Variants in DNM2 observed in about 807,000 individuals in gnomAD.
DNM2 encodes dynamin 2, also known as dynamin-2.
DNM2 carries 15 observed loss-of-function variants against 99.0 expected under a neutral mutation model. The ratio of observed to expected loss-of-function variants is 0.15; its 90% CI spans 0.10 to 0.23. DNM2 has a LOEUF of 0.23. Among genes scored for constraint, DNM2 ranks in the 10% least tolerant of loss-of-function variants. DNM2 has a pLI of 1.00. For synonymous variants in DNM2, 525 were observed against 481.2 expected (o/e 1.09, Z -1.19); for missense variants, 742 against 1,189.4 (o/e 0.62, Z 5.53).
chr19:10,792,872 TG>T (rs1159684597), intron 7 of DNM2, among the ~76,000 whole-genome samples: 1 of 152,088 alleles, frequency 6.6e-6, no homozygotes, highest in African/African-American at 2.4e-5. Context: ...CCTCCCAAAG[TG>T]CTGGGATTAT....
At chr19:10,758,034 C>T (rs2070460521) in intron 1 of DNM2, among the ~76,000 whole-genome samples, 1 of 152,026 alleles carries the variant, frequency 6.6e-6, no homozygotes, top group Non-Finnish European at 1.5e-5. Context: ...TCCTTTCGAG[C>T]CTTTAATGTA....
At chr19:10,802,931 C>T (rs1003634725) in intron 12 of DNM2, among the ~76,000 whole-genome samples, 1 of 152,182 alleles carries the variant, frequency 6.6e-6, no homozygotes, top group African/African-American at 2.4e-5. Flanking sequence ...TCCTTCAGCC[C>T]CTTGGCATGC....
At position 10,802,279 on chromosome 19, in the gene DNM2, C is replaced by G. The variant is rs371006369; in HGVS notation, c.1423-9C>G. 27 of 1,614,020 alleles carry G rather than the reference C, an allele frequency of 1.7e-5. No homozygotes were observed. Among genetic ancestry groups the G allele is most frequent in the Middle Eastern group, 3.3e-4 (2 of 6,082 alleles). On this transcript the variant is annotated splice_polypyrimidine_tract_variant and intron_variant, in intron 11 of 20. Coordinates refer to ENST00000389253, the MANE Select transcript of DNM2 (RefSeq NM_001005361.3). ...CCTTGTACTCACAGTGACCCCCGCTCTCCCCCAGATTCTTCTGCTGATCGA... is the reference window on the plus strand; with the variant it reads ...CCTTGTACTCACAGTGACCCCCGCTGTCCCCCAGATTCTTCTGCTGATCGA...
chr19:10,718,930 C>A (rs777935655), intron 1 of DNM2, among the ~76,000 whole-genome samples: 38 of 152,272 alleles, frequency 2.5e-4, no homozygotes, highest in Non-Finnish European at 2.8e-4. Context: ...ACCTGGCAGC[C>A]CCCTGCTGTC....
intron 1 of DNM2, among the ~76,000 whole-genome samples, chr19:10,733,143 C>G (rs1191051517): frequency 1.3e-5 from 2 of 151,140 alleles, no homozygotes; most frequent in Non-Finnish European, 2.9e-5. Flanking sequence ...CTCGGCCTCC[C>G]AAAGTGCTGG....
At chr19:10,779,552 GGCT>G (rs1371818805) in intron 5 of DNM2, among the ~76,000 whole-genome samples, 2 of 109,832 alleles carry the variant, frequency 1.8e-5, no homozygotes, top group Non-Finnish European at 3.4e-5. Flanking sequence ...CTGTCACCTA[GGCT>G]GGAGTGCACT....
chr19:10,752,426 C>G (rs985271557), intron 1 of DNM2, among the ~76,000 whole-genome samples: 1 of 152,216 alleles, frequency 6.6e-6, no homozygotes, highest in Non-Finnish European at 1.5e-5. Context: ...GTTGTCTGAG[C>G]TGGGCGCTGG....
chr19:10,751,165 C>A (rs988085844), intron 1 of DNM2, among the ~76,000 whole-genome samples: 3 of 151,864 alleles, frequency 2.0e-5, no homozygotes, highest in African/African-American at 7.3e-5. Context: ...TGAGAGAAGT[C>A]TCTGAGGAAA....
intron 7 of DNM2, among the ~76,000 whole-genome samples, chr19:10,791,944 T>C (rs8112795): frequency 0.097 from 14,820 of 152,084 alleles, 1,245 homozygotes; most frequent in East Asian, 0.35. Flanking sequence ...AAAAATTAGC[T>C]GGGCATGGTG....
chr19:10,811,633 A>C lies in DNM2; in HGVS notation c.1558-631A>C. 2.1e-6 allele frequency: 1 copy of C among 478,984 alleles called. No homozygotes were observed. Among genetic ancestry groups the C allele is most frequent in the Admixed American group, 2.2e-5 (1 of 45,184 alleles). The allele number at this position is 478,984 out of a possible 1,614,324, so 29.7% of individuals were successfully genotyped here. A position where few individuals can be genotyped will look rare whatever the true frequency, so the allele number is the denominator to read the frequency against. The stretch of plus-strand genomic sequence containing the variant: ...GCCTCCAGCGGCCAGGGAGCATGGG[A>C]GCACAGCCCCCAGGCTGCCTGCCGT... On this transcript the variant is annotated intron_variant, in intron 14 of 20. Transcript: ENST00000389253. The surrounding 1 kb of genome is among the most constrained non-coding windows in gnomAD (Gnocchi z 5.4).
At position 10,742,078 on chromosome 19, in the gene DNM2, A is replaced by G. The variant is rs575173363; in HGVS notation, c.162-17660A>G. 4.6e-5 allele frequency among the ~76,000 whole-genome samples: 7 copies of G among 151,672 alleles called. No individual in the cohort carries two copies. The East Asian group carries it at 5.8e-4, about 13-fold the overall frequency. On this transcript the variant is annotated intron_variant, in intron 1 of 20. Coordinates refer to ENST00000389253, the MANE Select transcript of DNM2 (RefSeq NM_001005361.3). Reference sequence around the variant, plus strand: ...AGTCCTGTGCTTTTTTATAGCTGCAAGTATTCCTGGGTCGAGCCTACTCCC... The same window carrying G: ...AGTCCTGTGCTTTTTTATAGCTGCAGGTATTCCTGGGTCGAGCCTACTCCC...
chr19:10,796,120 A>C lies in DNM2; in HGVS notation c.1196+681A>C, dbSNP rs931176769. 1 of 1,614,186 alleles carries C rather than the reference A, an allele frequency of 6.2e-7. No homozygotes were observed. The highest frequency in any genetic ancestry group is 8.5e-7 in the Non-Finnish European group (1 of 1,180,030). ...GCCATTGTGAAAAAGCAGGTCGTCA[A>C]GCTGAAAGAGCCCTGTCTGAAATGT... is the stretch of plus-strand genomic sequence containing the variant. On this transcript the variant is annotated intron_variant, in intron 9 of 20. Transcript: ENST00000389253. The surrounding 1 kb of genome is among the most constrained non-coding windows in gnomAD (Gnocchi z 5.6).
chr19:10,718,359 C>T lies in DNM2; in HGVS notation c.117C>T (p.Gly39=). The part of the protein sequence containing the change: ...LDLPQIAVVG[G]QSAGKSSVLE... The stretch of plus-strand genomic sequence containing the variant: ...TGCCGCAGATCGCTGTAGTGGGCGG[C>T]CAGAGCGCCGGCAAGAGCTCGGTGC... Residue 39 remains glycine (G), a synonymous_variant, in exon 1 of 21, where the codon GGC becomes GGT. Coordinates refer to ENST00000389253, the MANE Select transcript of DNM2 (RefSeq NM_001005361.3). 6.6e-7 allele frequency: 1 copy of T among 1,521,940 alleles called. No homozygotes were observed. Among genetic ancestry groups the T allele is most frequent in the Non-Finnish European group, 8.8e-7 (1 of 1,136,948 alleles). The allele number at this position is 1,521,940 out of a possible 1,614,324, so 94.3% of individuals were successfully genotyped here.
chr19:10,793,621 A>G, intron 7 of DNM2, 99 bp from the exon 8 acceptor site: 4 of 1,609,378 alleles, frequency 2.5e-6, no homozygotes, highest in Non-Finnish European at 3.4e-6. Context: ...CTGCTGAAAA[A>G]TGGTAAAAGA....
chr19:10,831,640 C>G lies in DNM2; in HGVS notation c.*593C>G. ...GAGGTGCCTTTGCTAGGCCCGGAGC[C>G]GTTGGCCCGGGCCGGCCTTGCCCTA... On this transcript the variant is annotated 3_prime_UTR_variant, in exon 21 of 21. Coordinates refer to ENST00000389253, the MANE Select transcript of DNM2 (RefSeq NM_001005361.3). The surrounding 1 kb of genome is among the most constrained non-coding windows in gnomAD (Gnocchi z 4.3). The G allele has an allele frequency of 2.0e-6, 2 of 986,152 alleles. No homozygotes were observed. The highest frequency in any genetic ancestry group is 2.4e-6 in the Non-Finnish European group (2 of 830,220). The allele number at this position is 986,152 out of a possible 1,614,324, so 61.1% of individuals were successfully genotyped here.
chr19:10,826,013 C>T (rs1467628093), intron 18 of DNM2, among the ~76,000 whole-genome samples: 8 of 151,854 alleles, frequency 5.3e-5, no homozygotes, highest in East Asian at 3.9e-4. Context: ...CCAGCCTGGG[C>T]GACAGAGCAA....
rs1266772652 is a variant in DNM2 at position 10,786,715 on chromosome 19, C to G, written c.992+9C>G. ...ACCAAAGCCCTGCTGCAGTATGTAC[C>G]CCGGCACCCACCACCACCACCACCC... On this transcript the variant is annotated intron_variant, in intron 7 of 20. Transcript: ENST00000389253. The G allele has an allele frequency of 6.2e-7, 1 of 1,613,836 alleles. No individual in the cohort carries two copies. The highest frequency in any genetic ancestry group is 8.5e-7 in the Non-Finnish European group (1 of 1,179,966).
chr19:10,820,766 G>T lies in DNM2; in HGVS notation c.1781+677G>T, dbSNP rs976300457. Among the ~76,000 whole-genome samples, 4 of 152,238 alleles carry T rather than the reference G, an allele frequency of 2.6e-5. No individual in the cohort carries two copies. The highest frequency in any genetic ancestry group is 5.9e-5 in the Non-Finnish European group (4 of 68,028). ...TGTCCAGGAACGAGCTCCAGTCTGGGATGTGAACTGGGCAGTCACCATTGC... is the reference window on the plus strand; with the variant it reads ...TGTCCAGGAACGAGCTCCAGTCTGGTATGTGAACTGGGCAGTCACCATTGC... On this transcript the variant is annotated intron_variant, in intron 16 of 20. Coordinates refer to ENST00000389253, the MANE Select transcript of DNM2 (RefSeq NM_001005361.3). The surrounding 1 kb of genome is among the most constrained non-coding windows in gnomAD (Gnocchi z 4.3).
Position 10,736,213 on chromosome 19 carries a change from C to T in DNM2, c.161+17810C>T, listed in dbSNP as rs1279196229. Among the ~76,000 whole-genome samples, 13 of 147,748 alleles carry T rather than the reference C, an allele frequency of 8.8e-5. 1 individual carries two copies. The highest frequency in any genetic ancestry group is 3.5e-3 in the Middle Eastern group (1 of 282). On this transcript the variant is annotated intron_variant, in intron 1 of 20. Transcript: ENST00000389253. ...ACGGGAGGTGGAGGTTGCAGTGAGC[C>T]AAGATCGCGCTATTGCACTCCAGCC...
Sources: allele counts gnomAD v4.1 joint callset (sites outside exome capture counted in the v4.1 genomes callset), GRCh38; gene constraint gnomAD v4.1.1; non-coding constraint Gnocchi (gnomAD v3.1); transcripts MANE v1.5; gene names NCBI Gene and HGNC (gene_info 2026-07-23, HGNC 2026-07-21).